The following GRIK2 variants were observed in gnomAD, a reference collection of about 807,000 sequenced individuals.
GRIK2 encodes the protein glutamate ionotropic receptor kainate type subunit 2, also known as glutamate receptor ionotropic, kainate 2.
Under a neutral mutation model 100.3 loss-of-function variants are expected in GRIK2, and 32 were observed. The observed-to-expected ratio is 0.32, with a 90% CI of 0.24 to 0.43. GRIK2 has a LOEUF of 0.43. Ranked by LOEUF, GRIK2 falls within the 20% of genes least tolerant of loss-of-function variation. The pLI is 1.00. For synonymous variants in GRIK2, 417 were observed against 389.4 expected, an observed-to-expected ratio of 1.07 and a Z score of -0.83; for missense variants, 843 against 1,114.9, an observed-to-expected ratio of 0.76 and a Z score of 3.47.
intron 14 of GRIK2, among the ~76,000 whole-genome samples, chr6:102,026,655 C>T (rs1422533961): frequency 6.6e-6 from 1 of 151,198 alleles, no homozygotes; most frequent in Non-Finnish European, 1.5e-5. Flanking sequence ...ACTAAACTTG[C>T]TGCCTATCCT....
chr6:101,787,375 G>A (rs1779502569), intron 7 of GRIK2, among the ~76,000 whole-genome samples: 1 of 150,738 alleles, frequency 6.6e-6, no homozygotes, highest in Admixed American at 6.6e-5. Context: ...TACTTTTCTA[G>A]TTCTTGAGGT....
At chr6:101,452,226 T>C (rs1562147699) in intron 2 of GRIK2, among the ~76,000 whole-genome samples, 1 of 151,786 alleles carries the variant, frequency 6.6e-6, no homozygotes, top group Non-Finnish European at 1.5e-5. Flanking sequence ...ATAGTATTGA[T>C]AATCAGCATA....
At chr6:101,725,092 C>T (rs1774766387) in intron 7 of GRIK2, among the ~76,000 whole-genome samples, 1 of 152,038 alleles carries the variant, frequency 6.6e-6, no homozygotes, top group Admixed American at 6.6e-5. Flanking sequence ...TACTTTGCCA[C>T]AGTGATCCGG....
intron 7 of GRIK2, among the ~76,000 whole-genome samples, chr6:101,704,025 T>C (rs918894983): frequency 1.3e-5 from 2 of 151,654 alleles, no homozygotes; most frequent in Non-Finnish European, 2.9e-5. Flanking sequence ...AGGAGCAAAA[T>C]TATCTTTTTG....
chr6:101,849,651 A>G (rs1202549727), intron 10 of GRIK2, among the ~76,000 whole-genome samples: 1 of 152,014 alleles, frequency 6.6e-6, no homozygotes, highest in Non-Finnish European at 1.5e-5. Context: ...GAGACTGAAC[A>G]CACTGCTCAG....
At chr6:102,054,876 T>C (rs967848158) in intron 15 of GRIK2, among the ~76,000 whole-genome samples, 28 of 152,172 alleles carry the variant, frequency 1.8e-4, no homozygotes, top group Non-Finnish European at 3.2e-4. Flanking sequence ...AGCTTATTAG[T>C]AATTATTCCC....
intron 7 of GRIK2, among the ~76,000 whole-genome samples, chr6:101,736,240 T>G (rs1297456172): frequency 6.6e-6 from 1 of 152,202 alleles, no homozygotes; most frequent in East Asian, 1.9e-4. Context: ...GTACAAACTG[T>G]CAGTGGATCT....
intron 2 of GRIK2, among the ~76,000 whole-genome samples, chr6:101,594,111 T>C (rs1778798449): frequency 1.3e-5 from 2 of 151,880 alleles, no homozygotes; most frequent in Non-Finnish European, 2.9e-5. Flanking sequence ...AGTTATTACT[T>C]TTCTTAAGAT....
intron 14 of GRIK2, among the ~76,000 whole-genome samples, chr6:101,938,550 T>C (rs1018151103): frequency 6.6e-6 from 1 of 152,130 alleles, no homozygotes; most frequent in African/African-American, 2.4e-5. Flanking sequence ...CTTGAATCTT[T>C]GTTTTTATGC....
chr6:101,707,455 TTATA>T (rs1015274460), intron 7 of GRIK2, among the ~76,000 whole-genome samples: 2 of 146,422 alleles, frequency 1.4e-5, no homozygotes, highest in African/African-American at 2.5e-5. Context: ...CACAATTCTT[TTATA>T]TATATTATAT....
At chr6:101,665,800 G>T (rs771875834) in intron 4 of GRIK2, among the ~76,000 whole-genome samples, 7 of 152,036 alleles carry the variant, frequency 4.6e-5, no homozygotes, top group Non-Finnish European at 1.0e-4. Context: ...GTTGGATATG[G>T]GTTGTGCCAG....
chr6:101,838,953 A>T (rs1783323736), intron 10 of GRIK2, among the ~76,000 whole-genome samples: 3 of 151,868 alleles, frequency 2.0e-5, no homozygotes. Context: ...GTGCCCAGAA[A>T]TACAGCTTAT....
intron 14 of GRIK2, among the ~76,000 whole-genome samples, chr6:102,025,724 C>T (rs1162873541): frequency 1.3e-5 from 2 of 151,172 alleles, no homozygotes; most frequent in Non-Finnish European, 3.0e-5. Flanking sequence ...CATTATAAGA[C>T]TTTAAGCTTT....
intron 2 of GRIK2, among the ~76,000 whole-genome samples, chr6:101,513,835 CT>C (rs760080718): frequency 1.4e-4 from 13 of 92,994 alleles, no homozygotes; most frequent in Non-Finnish European, 2.4e-4. Context: ...AAGTATTTAT[CT>C]TAAAACATTA....
intron 14 of GRIK2, among the ~76,000 whole-genome samples, chr6:101,974,634 G>T (rs1048818035): frequency 6.6e-6 from 1 of 151,988 alleles, no homozygotes; most frequent in South Asian, 2.1e-4. Context: ...CTTAGATTTT[G>T]CTCTCAATGC....
At chr6:101,764,696 G>T (rs939163116) in intron 7 of GRIK2, among the ~76,000 whole-genome samples, 1 of 152,026 alleles carries the variant, frequency 6.6e-6, no homozygotes, top group Non-Finnish European at 1.5e-5. Context: ...TACCCAGGCT[G>T]AAGTCACTAG....
At chr6:101,927,118 T>A (rs1789953498) in intron 13 of GRIK2, among the ~76,000 whole-genome samples, 1 of 151,954 alleles carries the variant, frequency 6.6e-6, no homozygotes, top group Admixed American at 6.6e-5. Flanking sequence ...GGAGCTGGAG[T>A]TGGCTGTCAT....
intron 2 of GRIK2, among the ~76,000 whole-genome samples, chr6:101,459,105 C>T (rs959865747): frequency 1.6e-4 from 2 of 12,276 alleles, no homozygotes; most frequent in African/African-American, 1.5e-3. Flanking sequence ...CCCCAGAACA[C>T]CATTTTTTTT....
chr6:101,589,838 G>C (rs1034029439), intron 2 of GRIK2, among the ~76,000 whole-genome samples: 1 of 152,082 alleles, frequency 6.6e-6, no homozygotes, highest in African/African-American at 2.4e-5. Flanking sequence ...ATGGAGAGAA[G>C]TAGTTTGGAA....
Sources: allele counts gnomAD v4.1 joint callset (sites outside exome capture counted in the v4.1 genomes callset), GRCh38; gene constraint gnomAD v4.1.1; transcripts MANE v1.5; gene names NCBI Gene and HGNC (gene_info 2026-07-23, HGNC 2026-07-21).